ZNF410: variants seen among roughly 807,000 people sequenced by gnomAD.
ZNF410 encodes zinc finger protein 410.
ZNF410 carries 18 observed loss-of-function variants against 54.8 expected under a neutral mutation model. That is an observed-to-expected ratio of 0.33 (90% confidence interval 0.23 to 0.49). The LOEUF is 0.49. Ranked by LOEUF, ZNF410 falls within the 20% of genes least tolerant of loss-of-function variation. ZNF410 has a pLI of 0.99. For missense variants in ZNF410, 405 were observed against 569.6 expected (o/e 0.71, Z 2.94); for synonymous variants, 191 against 207.3 (o/e 0.92, Z 0.68).
At chr14:73,890,769 T>C (rs2140292222) in intron 1 of ZNF410, among the ~76,000 whole-genome samples, 1 of 152,088 alleles carries the variant, frequency 6.6e-6, no homozygotes, top group Admixed American at 6.6e-5. Flanking sequence ...TCTCAGCACT[T>C]TGGGAGGCCA....
At chr14:73,930,842 TCTC>T (rs1274801371) in intron 11 of ZNF410, among the ~76,000 whole-genome samples, 1 of 151,544 alleles carries the variant, frequency 6.6e-6, no homozygotes, top group Non-Finnish European at 1.5e-5. Context: ...CTCAAGCAGT[TCTC>T]CTGCCTCAGC....
Position 73,898,290 on chromosome 14 carries a change from A to G in ZNF410, c.580+28A>G, listed in dbSNP as rs748982836. On this transcript the variant is annotated intron_variant, in intron 5 of 11. Transcript: ENST00000555044. ...GAGGCCCGTCGGCATTTTCCTTGCC[A>G]CTATTCTGTGCAAAGAGATTTTGGT... 22 of 1,612,086 alleles carry G rather than the reference A, an allele frequency of 1.4e-5. No homozygotes were observed. The South Asian group carries it at 2.2e-4, about 16-fold the overall frequency.
intron 8 of ZNF410, 70 bp downstream of exon 8, chr14:73,909,500 A>G: frequency 7.9e-7 from 1 of 1,268,264 alleles, no homozygotes; most frequent in Non-Finnish European, 1.1e-6. Context: ...TGTGGGGGTG[A>G]TATAAAGACA....
chr14:73,926,222 C>G (rs2055828003), intron 11 of ZNF410, among the ~76,000 whole-genome samples: 2 of 152,128 alleles, frequency 1.3e-5, no homozygotes, highest in Admixed American at 1.3e-4. Flanking sequence ...CCACTTCAAA[C>G]AAAGATAACA....
intron 8 of ZNF410, chr14:73,913,181 A>G (rs893496285): frequency 2.6e-5 from 4 of 152,164 alleles, no homozygotes; most frequent in African/African-American, 4.8e-5. Context: ...TTCCCACCTC[A>G]GCCTCCCCAG....
chr14:73,923,552 T>A, intron 11 of ZNF410, 30 bp downstream of exon 11: 2 of 1,599,052 alleles, frequency 1.3e-6, no homozygotes, highest in Non-Finnish European at 1.7e-6. Flanking sequence ...TTTGTTTCTG[T>A]GACAATTCAT....
intron 1 of ZNF410, among the ~76,000 whole-genome samples, chr14:73,890,900 C>T (rs2055219164): frequency 6.6e-6 from 1 of 152,012 alleles, no homozygotes; most frequent in African/African-American, 2.4e-5. Flanking sequence ...ATCCCAGCTA[C>T]TCCAGGAGTC....
At chr14:73,922,322 G>A (rs948019151) in intron 10 of ZNF410, 116 bp downstream of exon 10, 19 of 1,141,646 alleles carry the variant, frequency 1.7e-5, no homozygotes, top group Non-Finnish European at 2.3e-5. Context: ...GCTGTGGTAT[G>A]AGTAGCATTT....
chr14:73,921,309 T>C (rs2140323593), intron 9 of ZNF410: 1 of 505,970 alleles, frequency 2.0e-6, no homozygotes, highest in South Asian at 3.3e-5. Flanking sequence ...TTTTTGTTGC[T>C]TGTCCGCCCA....
At chr14:73,903,773 A>C in intron 5 of ZNF410, 187 bp from the exon 6 acceptor site, 1 of 745,966 alleles carries the variant, frequency 1.3e-6, no homozygotes, top group Non-Finnish European at 2.1e-6. Context: ...AGTGCTTGGG[A>C]TTATAGGTGT....
At position 73,898,246 on chromosome 14, in the gene ZNF410, A is replaced by G; in HGVS notation, c.564A>G (p.Ala188=). Residue 188 remains alanine, a synonymous_variant, in exon 5 of 12, where the codon GCA becomes GCG. Transcript: ENST00000555044. The part of the protein sequence containing the change: ...AATRAQLAKN[A]KTSSNGENVH... Reference sequence around the variant, plus strand: ...CTCGTGCACAACTGGCAAAGAATGCAAAAACCAGCAGCAATGGTGAGGCCC... The same window carrying G: ...CTCGTGCACAACTGGCAAAGAATGCGAAAACCAGCAGCAATGGTGAGGCCC... 6.2e-7 allele frequency: 1 copy of G among 1,614,192 alleles called. No individual in the cohort carries two copies. The highest frequency in any genetic ancestry group is 8.5e-7 in the Non-Finnish European group (1 of 1,180,022).
At chr14:73,931,431 C>G (rs951563027) in intron 11 of ZNF410, 72 bp from the exon 12 acceptor site, 2 of 1,403,836 alleles carry the variant, frequency 1.4e-6, no homozygotes, top group African/African-American at 2.9e-5. Flanking sequence ...ACTCTTAATA[C>G]TTTTTACTAT....
intron 8 of ZNF410, among the ~76,000 whole-genome samples, chr14:73,915,349 T>C (rs2055648264): frequency 6.6e-6 from 1 of 151,932 alleles, no homozygotes; most frequent in Admixed American, 6.6e-5. Flanking sequence ...ATTAATTTTT[T>C]TTTTTTAAGA....
chr14:73,912,295 G>A lies in ZNF410; in HGVS notation c.1003+2865G>A, dbSNP rs191688479. Among the ~76,000 whole-genome samples the A allele has an allele frequency of 4.4e-3, 666 of 150,168 alleles. 6 individuals carry two copies. Among genetic ancestry groups the A allele is most frequent in the African/African-American group, 0.016 (641 of 40,240 alleles). Reference sequence around the variant, plus strand: ...AGCAATTCTCCCGTCTCAGCCACCCGAGTAGCTGGTATTACAGGCGCGTGC... The same window carrying A: ...AGCAATTCTCCCGTCTCAGCCACCCAAGTAGCTGGTATTACAGGCGCGTGC... On this transcript the variant is annotated intron_variant, in intron 8 of 11. Transcript: ENST00000555044.
At chr14:73,904,667 C>T (rs2055455334) in intron 6 of ZNF410, among the ~76,000 whole-genome samples, 1 of 152,178 alleles carries the variant, frequency 6.6e-6, no homozygotes, top group African/African-American at 2.4e-5. Flanking sequence ...CTATGTTGCC[C>T]AAGCTGATCT....
At chr14:73,926,626 G>A (rs1235116717) in intron 11 of ZNF410, among the ~76,000 whole-genome samples, 1 of 152,070 alleles carries the variant, frequency 6.6e-6, no homozygotes, top group Non-Finnish European at 1.5e-5. Flanking sequence ...GTAGAGACGG[G>A]CTTTTACCAT....
At chr14:73,909,680 T>G (rs1209855022) in intron 8 of ZNF410, 2 of 380,064 alleles carry the variant, frequency 5.3e-6, no homozygotes, top group Non-Finnish European at 9.5e-6. Context: ...ATCAGCAAAT[T>G]TGTTTGGCAC....
At chr14:73,904,798 T>G in intron 6 of ZNF410, 104 bp from the exon 7 acceptor site, 2 of 1,292,906 alleles carry the variant, frequency 1.5e-6, no homozygotes, top group Non-Finnish European at 2.1e-6. Context: ...ATATATCCAG[T>G]TTTTGGACTT....
chr14:73,916,775 A>G (rs1184739579), intron 8 of ZNF410: 2 of 151,598 alleles, frequency 1.3e-5, no homozygotes, highest in African/African-American at 4.9e-5. Flanking sequence ...CGAGTTCGAG[A>G]CTAGCCTGGG....
Sources: allele counts gnomAD v4.1 joint callset (sites outside exome capture counted in the v4.1 genomes callset), GRCh38; gene constraint gnomAD v4.1.1; transcripts MANE v1.5; gene names NCBI Gene and HGNC (gene_info 2026-07-23, HGNC 2026-07-21).